The following ZBTB8A variants were observed in gnomAD, a reference collection of about 807,000 sequenced individuals.
ZBTB8A encodes zinc finger and BTB domain containing 8A, also known as zinc finger and BTB domain-containing protein 8A.
Under a neutral mutation model 37.8 loss-of-function variants are expected in ZBTB8A, and 19 were observed. The observed-to-expected ratio is 0.50, with a 90% CI of 0.35 to 0.74. The LOEUF is 0.74. ZBTB8A is among the 30% of genes least tolerant of loss of function. The probability of loss-of-function intolerance (pLI) is 0.01; values close to 1 mark genes in which losing one functional copy is unlikely to be tolerated. For missense variants in ZBTB8A, 394 were observed against 537.8 expected (o/e 0.73, Z 2.65); for synonymous variants, 181 against 185.2 (o/e 0.98, Z 0.19).
At chr1:32,596,096 G>A (rs1313134429) in intron 4 of ZBTB8A, among the ~76,000 whole-genome samples, 1 of 152,084 alleles carries the variant, frequency 6.6e-6, no homozygotes, top group Non-Finnish European at 1.5e-5. Flanking sequence ...TTGGCTGGGC[G>A]CGGTGGCTCA....
intron 2 of ZBTB8A, among the ~76,000 whole-genome samples, chr1:32,565,274 C>T (rs574739279): frequency 4.0e-5 from 6 of 150,684 alleles, no homozygotes; most frequent in East Asian, 2.0e-4. Flanking sequence ...TGCAGTGAGC[C>T]GTGATCATGC....
intron 2 of ZBTB8A, among the ~76,000 whole-genome samples, chr1:32,591,205 G>A (rs906392201): frequency 2.0e-5 from 3 of 150,926 alleles, no homozygotes; most frequent in Non-Finnish European, 2.9e-5. Context: ...CACCACTCCC[G>A]GCCTAATTTA....
intron 2 of ZBTB8A, among the ~76,000 whole-genome samples, chr1:32,576,755 G>A (rs1366007954): frequency 6.6e-6 from 1 of 152,018 alleles, no homozygotes; most frequent in African/African-American, 2.4e-5. Context: ...GGTAGACACA[G>A]GGTTTCACCA....
intron 2 of ZBTB8A, among the ~76,000 whole-genome samples, chr1:32,554,374 T>C (rs1338648248): frequency 6.6e-6 from 1 of 151,846 alleles, no homozygotes; most frequent in Non-Finnish European, 1.5e-5. Flanking sequence ...GAATACTCTC[T>C]TAAGGAGGTG....
intron 1 of ZBTB8A, among the ~76,000 whole-genome samples, chr1:32,544,282 A>G (rs1438337915): frequency 6.6e-6 from 1 of 152,254 alleles, no homozygotes; most frequent in African/African-American, 2.4e-5. Context: ...CCTGGCTGAT[A>G]TAGCCTACTA....
intron 2 of ZBTB8A, among the ~76,000 whole-genome samples, chr1:32,572,764 T>C (rs1644331444): frequency 6.6e-6 from 1 of 152,200 alleles, no homozygotes; most frequent in Non-Finnish European, 1.5e-5. Flanking sequence ...TTGTTGAATG[T>C]ATTAGCATAG....
At chr1:32,554,460 T>TTTTATTTA (rs140709969) in intron 2 of ZBTB8A, among the ~76,000 whole-genome samples, 107 of 134,948 alleles carry the variant, frequency 7.9e-4, no homozygotes, top group Non-Finnish European at 1.2e-3. Context: ...CATTTTAATC[T>TTTTATTTA]TTTATTTATT....
At chr1:32,558,631 G>T (rs534461684) in intron 2 of ZBTB8A, among the ~76,000 whole-genome samples, 1 of 152,278 alleles carries the variant, frequency 6.6e-6, no homozygotes, top group East Asian at 1.9e-4. Context: ...AGATATGGAG[G>T]CAGAGAAAGG....
At chr1:32,594,470 A>G (rs540676515) in intron 3 of ZBTB8A, among the ~76,000 whole-genome samples, 1 of 151,784 alleles carries the variant, frequency 6.6e-6, no homozygotes, top group African/African-American at 2.4e-5. Context: ...GCTTATTAAG[A>G]TACAAATACA....
chr1:32,586,243 C>T (rs570849574), intron 2 of ZBTB8A, among the ~76,000 whole-genome samples: 5 of 152,030 alleles, frequency 3.3e-5, no homozygotes, highest in Non-Finnish European at 5.9e-5. Context: ...TGCTTGAACC[C>T]GGGAGGCAGA....
chr1:32,565,643 A>AC (rs1644272726), intron 2 of ZBTB8A, among the ~76,000 whole-genome samples: 1 of 152,120 alleles, frequency 6.6e-6, no homozygotes, highest in Non-Finnish European at 1.5e-5. Flanking sequence ...ACAGATTGAG[A>AC]CCGTCTTTAA....
At chr1:32,575,008 C>T (rs1644349367) in intron 2 of ZBTB8A, among the ~76,000 whole-genome samples, 1 of 152,074 alleles carries the variant, frequency 6.6e-6, no homozygotes, top group Admixed American at 6.6e-5. Flanking sequence ...CTGCTGCCCC[C>T]AAGTAGTTCT....
chr1:32,580,632 A>G (rs1249324428), intron 2 of ZBTB8A, among the ~76,000 whole-genome samples: 10 of 152,104 alleles, frequency 6.6e-5, no homozygotes. Context: ...TGGAGATACA[A>G]ATTGATATAG....
At chr1:32,568,933 G>C (rs1057114358) in intron 2 of ZBTB8A, among the ~76,000 whole-genome samples, 4 of 152,090 alleles carry the variant, frequency 2.6e-5, no homozygotes, top group African/African-American at 9.7e-5. Context: ...GAAAATTCTT[G>C]TATAAATTTT....
intron 2 of ZBTB8A, among the ~76,000 whole-genome samples, chr1:32,588,983 CA>C (rs369219794): frequency 4.1e-5 from 6 of 145,152 alleles, no homozygotes; most frequent in African/African-American, 7.6e-5. Context: ...GACTCTATCT[CA>C]AAAAAAAAAG....
chr1:32,596,231 G>T (rs1318363946), intron 4 of ZBTB8A, among the ~76,000 whole-genome samples: 1 of 152,008 alleles, frequency 6.6e-6, no homozygotes. Context: ...TTAGCCAGGC[G>T]TGGTGGCGGG....
chr1:32,599,951 T>C (rs1459605305), intron 4 of ZBTB8A, 136 bp from the exon 5 acceptor site: 16 of 663,180 alleles, frequency 2.4e-5, no homozygotes, highest in Non-Finnish European at 4.0e-5. Context: ...ACCCTTGATC[T>C]TTCTCTAAAT....
Position 32,567,624 on chromosome 1 carries a change from C to G in ZBTB8A, c.-2+14084C>G, listed in dbSNP as rs1644290299. ...CCTGGCTAACACGGTGAAACCCGGT[C>G]TCTACTAAAATAGAAATATTATCCT... On this transcript the variant is annotated intron_variant, in intron 2 of 4. Coordinates refer to ENST00000373510, the MANE Select transcript of ZBTB8A (RefSeq NM_001040441.3). 2.0e-5 allele frequency among the ~76,000 whole-genome samples: 3 copies of G among 149,552 alleles called. No homozygotes were observed. The Admixed American group carries it at 2.0e-4, about 10-fold the overall frequency.
Position 32,602,091 on chromosome 1 carries a change from AG to A in ZBTB8A, c.*1674del, listed in dbSNP as rs1457998779. ...ACGCCTGTAATCCCAGCACTTTGGG[AG>A]GCTGAGGCAGGTGGATCACCGAGGT... On this transcript the variant is annotated 3_prime_UTR_variant, in exon 5 of 5. Coordinates refer to ENST00000373510, the MANE Select transcript of ZBTB8A (RefSeq NM_001040441.3). 1 of 152,714 alleles carries A rather than the reference AG, an allele frequency of 6.5e-6. No individual in the cohort carries two copies. The highest frequency in any genetic ancestry group is 1.5e-5 in the Non-Finnish European group (1 of 68,424). 9.5% of individuals were successfully genotyped at this position (152,714 alleles called of 1,614,324 possible).
Sources: allele counts gnomAD v4.1 joint callset (sites outside exome capture counted in the v4.1 genomes callset), GRCh38; gene constraint gnomAD v4.1.1; transcripts MANE v1.5; gene names NCBI Gene and HGNC (gene_info 2026-07-23, HGNC 2026-07-21).